The following TRPC5 variants were observed in gnomAD, a reference collection of about 807,000 sequenced individuals.
TRPC5 encodes the protein short transient receptor potential channel 5.
TRPC5 carries 9 observed loss-of-function variants against 56.5 expected under a neutral mutation model. The observed-to-expected ratio is 0.16, with a 90% CI of 0.10 to 0.28. The LOEUF (loss-of-function observed/expected upper bound fraction) is 0.28, where lower values mean the gene tolerates loss of function less well. Ranked by LOEUF, TRPC5 falls within the 10% of genes least tolerant of loss-of-function variation. The pLI is 1.00. For missense variants in TRPC5, 469 were observed against 748.9 expected (o/e 0.63, Z 4.36); for synonymous variants, 282 against 278.5 (o/e 1.01, Z -0.13).
chrX:111,874,347 G>A (rs1342937765), intron 3 of TRPC5, among the ~76,000 whole-genome samples: 1 of 112,613 alleles, frequency 8.9e-6, no homozygotes, highest in Non-Finnish European at 1.9e-5. Flanking sequence ...ACTCACAAGA[G>A]AACACAGTTC....
At chrX:111,948,772 A>G (rs7053261) in intron 2 of TRPC5, among the ~76,000 whole-genome samples, 3,405 of 110,323 alleles carry the variant, frequency 0.031, 149 homozygotes, top group African/African-American at 0.11. Context: ...GGTCTCAAAA[A>G]TAAGCCTCAG....
intron 7 of TRPC5, among the ~76,000 whole-genome samples, chrX:111,816,109 G>T (rs955206646): frequency 3.6e-5 from 4 of 111,768 alleles, no homozygotes; most frequent in African/African-American, 1.3e-4. Flanking sequence ...TGGTTATTTA[G>T]GCTTGGCACT....
chrX:111,793,157 T>C (rs1603030531), intron 7 of TRPC5, among the ~76,000 whole-genome samples: 1 of 110,794 alleles, frequency 9.0e-6, no homozygotes, highest in African/African-American at 3.3e-5. Flanking sequence ...AGGGGGGCTG[T>C]AGTTCATCCT....
intron 7 of TRPC5, among the ~76,000 whole-genome samples, chrX:111,798,580 C>T (rs951132362): frequency 1.8e-5 from 2 of 111,134 alleles, no homozygotes; most frequent in African/African-American, 6.5e-5. Context: ...TGATATGTAT[C>T]GTAGATTGAG....
intron 3 of TRPC5, among the ~76,000 whole-genome samples, chrX:111,860,129 G>C (rs553174301): frequency 8.4e-4 from 94 of 112,432 alleles, no homozygotes; most frequent in Admixed American, 2.4e-3. Context: ...AGGATGGTCT[G>C]AATCTCCTGA....
Position 112,065,167 on chromosome X carries a change from T to A in TRPC5, c.-22+16712A>T, listed in dbSNP as rs188997269. Among the ~76,000 whole-genome samples the A allele has an allele frequency of 3.5e-3, 388 of 111,243 alleles. 1 individual carries two copies. Among genetic ancestry groups the A allele is most frequent in the African/African-American group, 0.013 (381 of 30,469 alleles). ...TGATCTTGCACAGCAATGAATCAAA[T>A]CTGATTTCTTATATCTCTCTCCTGA... On this transcript the variant is annotated intron_variant, in intron 1 of 10. Transcript: ENST00000262839.
At chrX:112,023,204 G>A (rs1221546242) in intron 1 of TRPC5, among the ~76,000 whole-genome samples, 1 of 99,723 alleles carries the variant, frequency 1.0e-5, no homozygotes, top group South Asian at 5.5e-4. Flanking sequence ...AAAGTGCTGG[G>A]ATTACAGGCG....
At chrX:112,030,052 C>G (rs1042379394) in intron 1 of TRPC5, among the ~76,000 whole-genome samples, 2 of 111,810 alleles carry the variant, frequency 1.8e-5, no homozygotes, top group South Asian at 7.6e-4. Context: ...CTGGCACTCC[C>G]AACCTCAGGT....
chrX:112,067,929 G>A (rs1930625938), intron 1 of TRPC5, among the ~76,000 whole-genome samples: 1 of 112,346 alleles, frequency 8.9e-6, no homozygotes, highest in African/African-American at 3.2e-5. Flanking sequence ...TGATTTATAA[G>A]CATGTTCACA....
chrX:111,866,758 G>T (rs997560255), intron 3 of TRPC5, among the ~76,000 whole-genome samples: 1 of 112,272 alleles, frequency 8.9e-6, no homozygotes, highest in Non-Finnish European at 1.9e-5. Flanking sequence ...TCAGTGAAGA[G>T]AATTATCTTC....
chrX:111,848,332 G>C (rs945301643), intron 5 of TRPC5, among the ~76,000 whole-genome samples: 1 of 111,478 alleles, frequency 9.0e-6, no homozygotes, highest in Non-Finnish European at 1.9e-5. Flanking sequence ...ACTTAAAACT[G>C]CCTGTATCTT....
intron 2 of TRPC5, among the ~76,000 whole-genome samples, chrX:111,948,179 T>A (rs1926978446): frequency 9.0e-6 from 1 of 111,171 alleles, no homozygotes; most frequent in Non-Finnish European, 1.9e-5. Context: ...ATTTTGATGA[T>A]TTAGTTTTTT....
chrX:111,901,644 G>A (rs778809045), intron 3 of TRPC5: 53 of 324,885 alleles, frequency 1.6e-4, no homozygotes, highest in Non-Finnish European at 2.5e-4. Context: ...AATTCTGTGC[G>A]CGGTTTACCA....
chrX:111,967,250 T>C (rs1233838554), intron 1 of TRPC5, among the ~76,000 whole-genome samples: 1 of 110,790 alleles, frequency 9.0e-6, no homozygotes, highest in Non-Finnish European at 1.9e-5. Flanking sequence ...GAGAATAAAA[T>C]ACCAAGGAAT....
chrX:111,958,652 C>T (rs1927297493), intron 1 of TRPC5, among the ~76,000 whole-genome samples: 1 of 112,056 alleles, frequency 8.9e-6, no homozygotes, highest in Non-Finnish European at 1.9e-5. Context: ...TAGTCTAAGG[C>T]TAAGTTATTA....
At chrX:112,063,034 T>C (rs1455395425) in intron 1 of TRPC5, among the ~76,000 whole-genome samples, 1 of 111,606 alleles carries the variant, frequency 9.0e-6, no homozygotes, top group Non-Finnish European at 1.9e-5. Flanking sequence ...CGGTGGAAGG[T>C]AGGATGACTT....
At chrX:111,816,123 T>C (rs749669869) in intron 7 of TRPC5, among the ~76,000 whole-genome samples, 72 of 111,924 alleles carry the variant, frequency 6.4e-4, no homozygotes, top group Non-Finnish European at 1.1e-3. Context: ...TGGCACTCTC[T>C]GGTCTTTCTA....
At chrX:112,023,880 G>T (rs909186654) in intron 1 of TRPC5, among the ~76,000 whole-genome samples, 4 of 111,515 alleles carry the variant, frequency 3.6e-5, no homozygotes, top group African/African-American at 1.3e-4. Flanking sequence ...TGCATGGTGA[G>T]ATCAGCCCAA....
chrX:111,887,300 T>G (rs924927760), intron 3 of TRPC5, among the ~76,000 whole-genome samples: 2 of 112,622 alleles, frequency 1.8e-5, no homozygotes, highest in African/African-American at 6.5e-5. Flanking sequence ...CTTTCTTTCT[T>G]TCTTGGAGAG....
Sources: allele counts gnomAD v4.1 joint callset (sites outside exome capture counted in the v4.1 genomes callset), GRCh38; gene constraint gnomAD v4.1.1; transcripts MANE v1.5; gene names NCBI Gene and HGNC (gene_info 2026-07-23, HGNC 2026-07-21).